Variants in DMD observed in about 807,000 individuals in gnomAD.
DMD encodes dystrophin, also known as mutant dystrophin.
Under a neutral mutation model 330.1 loss-of-function variants are expected in DMD, and 63 were observed. That is an observed-to-expected ratio of 0.19 (90% confidence interval 0.16 to 0.24). The LOEUF is 0.24. DMD is among the 10% of genes least tolerant of loss of function. The pLI is 1.00. For synonymous variants in DMD, 1,223 were observed against 959.8 expected (o/e 1.27, Z -5.07); for missense variants, 3,344 against 2,684.1 (o/e 1.25, Z -5.43).
At chrX:32,774,758 C>T (rs1173278129) in intron 7 of DMD, among the ~76,000 whole-genome samples, 1 of 111,198 alleles carries the variant, frequency 9.0e-6, no homozygotes, top group Non-Finnish European at 1.9e-5. Flanking sequence ...TGGGTGGGTA[C>T]ACATAGCCAA....
At chrX:32,141,336 C>T (rs1428008275) in intron 44 of DMD, among the ~76,000 whole-genome samples, 6 of 109,673 alleles carry the variant, frequency 5.5e-5, no homozygotes, top group African/African-American at 2.0e-4. Flanking sequence ...CTTGGGAGGC[C>T]GAGGCACAAG....
intron 60 of DMD, among the ~76,000 whole-genome samples, chrX:31,383,093 T>TA (rs1452348518): frequency 1.8e-5 from 2 of 111,280 alleles, no homozygotes; most frequent in Admixed American, 1.9e-4. Context: ...GTCCTTGCCT[T>TA]AACTGATGAC....
At chrX:31,170,482 T>C (rs1290062809) in intron 73 of DMD, among the ~76,000 whole-genome samples, 5 of 110,745 alleles carry the variant, frequency 4.5e-5, no homozygotes, top group Non-Finnish European at 9.5e-5. Context: ...GTTATAAGAA[T>C]TTTCTTCTGT....
In DMD at chrX:32,809,449, A is replaced by G. The variant is rs373870936; in HGVS notation, c.649+44T>C. The G allele has an allele frequency of 2.0e-5, 21 of 1,041,713 alleles. No homozygotes were observed. In the African/African-American group the frequency reaches 3.7e-4, roughly 18 times the overall value. The allele number at this position is 1,041,713 out of a possible 1,213,427, so 85.8% of individuals were successfully genotyped here. ...GACAAGTCTCAGATGAAAACATTAA[A>G]CTCTACCATACTAAAAGCAGTGGTA... On this transcript the variant is annotated intron_variant, in intron 7 of 78. Coordinates refer to ENST00000357033, the MANE Select transcript of DMD (RefSeq NM_004006.3).
intron 9 of DMD, among the ~76,000 whole-genome samples, chrX:32,676,505 T>A (rs546242892): frequency 4.5e-5 from 5 of 111,676 alleles, no homozygotes; most frequent in African/African-American, 1.6e-4. Flanking sequence ...TTTGGGGCAA[T>A]GAATTCTTTT....
At chrX:32,696,980 A>G (rs984468282) in intron 9 of DMD, among the ~76,000 whole-genome samples, 1 of 111,678 alleles carries the variant, frequency 9.0e-6, no homozygotes, top group Non-Finnish European at 1.9e-5. Flanking sequence ...TTAACAAAAA[A>G]TTGAGTCTCC....
In DMD at chrX:31,574,651, T is replaced by TG. The variant is rs780031683; in HGVS notation, c.8217+53021dup. Among the ~76,000 whole-genome samples, 3 of 111,246 alleles carry TG rather than the reference T, an allele frequency of 2.7e-5. No individual in the cohort carries two copies. In the Admixed American group the frequency reaches 2.9e-4, roughly 11 times the overall value. ...TGAAATGCACCAAACCAAGGGGAAATGACTTCTCTGGGAGTTTAACAACTC... is the reference window on the plus strand; with the variant it reads ...TGAAATGCACCAAACCAAGGGGAAATGGACTTCTCTGGGAGTTTAACAACTC... On this transcript the variant is annotated intron_variant, in intron 55 of 78. Transcript: ENST00000357033.
At chrX:31,745,783 T>C (rs1325099759) in intron 51 of DMD, among the ~76,000 whole-genome samples, 1 of 112,218 alleles carries the variant, frequency 8.9e-6, no homozygotes, top group East Asian at 2.8e-4. Context: ...ATTCAGAATG[T>C]TTTGTTAAAT....
intron 54 of DMD, among the ~76,000 whole-genome samples, chrX:31,629,066 T>C (rs1039320625): frequency 9.1e-6 from 1 of 110,242 alleles, no homozygotes; most frequent in African/African-American, 3.3e-5. Context: ...GTAAACTTTG[T>C]CTGCAATGAG....
chrX:31,344,718 C>T lies in DMD; in HGVS notation c.9163+3838G>A, dbSNP rs934470706. 7.3e-5 allele frequency among the ~76,000 whole-genome samples: 8 copies of T among 110,264 alleles called. No homozygotes were observed. In the East Asian group the frequency reaches 8.5e-4, roughly 12 times the overall value. The stretch of plus-strand genomic sequence containing the variant: ...ACAAAAAATTAGCCAAGCGTGGTGG[C>T]GTATTCCTGTAATCCCAGCTACTCG... On this transcript the variant is annotated intron_variant, in intron 61 of 78. Coordinates refer to ENST00000357033, the MANE Select transcript of DMD (RefSeq NM_004006.3).
chrX:32,411,856 T>C lies in DMD; in HGVS notation c.4129A>G (p.Lys1377Glu). ...QSIQSAQETE[K>E]SLHLIQESLT... is the part of the protein sequence containing the mutation. ...GACTCCTGGATTAAGTGTAAGGATT[T>C]TTCAGTCTCCTGGGCAGACTGGATG... The change falls in exon 30 of 79, where the codon AAA becomes GAA. Residue 1377 changes from lysine (K) to glutamate (E), a missense_variant. Lys to Glu is a moderately conservative substitution (Grantham distance 56, BLOSUM62 1). Transcript: ENST00000357033. 2 of 1,211,140 alleles carry C rather than the reference T, an allele frequency of 1.7e-6. No individual in the cohort carries two copies. Among genetic ancestry groups the C allele is most frequent in the Non-Finnish European group, 2.2e-6 (2 of 895,163 alleles).
At chrX:32,561,525 A>C (rs1228282550) in intron 16 of DMD, among the ~76,000 whole-genome samples, 2 of 111,998 alleles carry the variant, frequency 1.8e-5, no homozygotes, top group Non-Finnish European at 3.8e-5. Context: ...TTCTGAAGCA[A>C]AGACTGTTTG....
chrX:33,018,967 T>C (rs1440302152), intron 2 of DMD, among the ~76,000 whole-genome samples: 2 of 112,266 alleles, frequency 1.8e-5, no homozygotes, highest in Non-Finnish European at 3.8e-5. Flanking sequence ...AATTTGTTAA[T>C]TATTCAGCAA....
At chrX:32,287,222 AAT>A (rs1296048732) in intron 43 of DMD, among the ~76,000 whole-genome samples, 1 of 111,800 alleles carries the variant, frequency 8.9e-6, no homozygotes, top group Non-Finnish European at 1.9e-5. Flanking sequence ...ACTAAAGATA[AAT>A]ATGTTATATC....
intron 44 of DMD, among the ~76,000 whole-genome samples, chrX:32,051,586 G>T (rs2096115436): frequency 9.1e-6 from 1 of 109,541 alleles, no homozygotes; most frequent in Admixed American, 1.0e-4. Context: ...TAGGTGAAGT[G>T]AATGAATATG....
At chrX:31,291,473 C>T (rs1298901256) in intron 62 of DMD, among the ~76,000 whole-genome samples, 4 of 112,001 alleles carry the variant, frequency 3.6e-5, no homozygotes. Context: ...GTTACAGTAG[C>T]AGGCTAGCCC....
chrX:31,237,609 T>G (rs1174163941), intron 63 of DMD, among the ~76,000 whole-genome samples: 1 of 112,483 alleles, frequency 8.9e-6, no homozygotes, highest in Non-Finnish European at 1.9e-5. Flanking sequence ...TAGACTGAGG[T>G]GCTTTTAATA....
intron 20 of DMD, among the ~76,000 whole-genome samples, chrX:32,485,685 A>G (rs2042364117): frequency 1.1e-5 from 1 of 88,573 alleles, no homozygotes; most frequent in Admixed American, 1.4e-4. Flanking sequence ...ATAATCTTCT[A>G]TGTTTTGTAT....
chrX:31,376,963 C>T (rs758235287), intron 60 of DMD, among the ~76,000 whole-genome samples: 17 of 112,373 alleles, frequency 1.5e-4, no homozygotes, highest in African/African-American at 4.8e-4. Context: ...GCATTTACCA[C>T]CTCTGATGCC....
Sources: allele counts gnomAD v4.1 joint callset (sites outside exome capture counted in the v4.1 genomes callset), GRCh38; gene constraint gnomAD v4.1.1; transcripts MANE v1.5; gene names NCBI Gene and HGNC (gene_info 2026-07-23, HGNC 2026-07-21).